DOCK1: variants seen among roughly 807,000 people sequenced by gnomAD.
The protein encoded by DOCK1 is dedicator of cytokinesis protein 1.
DOCK1 carries 138 observed loss-of-function variants against 262.7 expected under a neutral mutation model. The ratio of observed to expected loss-of-function variants is 0.53; its 90% CI spans 0.46 to 0.61. The LOEUF is 0.61. Among genes scored for constraint, DOCK1 ranks in the 20% least tolerant of loss-of-function variants. The pLI, the probability that DOCK1 is intolerant of heterozygous loss-of-function variation, is 0.00. For synonymous variants in DOCK1, 866 were observed against 867.4 expected, an observed-to-expected ratio of 1.00 and a Z score of 0.03; for missense variants, 1,908 against 2,370.7, an observed-to-expected ratio of 0.80 and a Z score of 4.05.
At chr10:127,152,225 C>T (rs749505539) in intron 27 of DOCK1, among the ~76,000 whole-genome samples, 7 of 152,144 alleles carry the variant, frequency 4.6e-5, no homozygotes, top group African/African-American at 7.2e-5. Context: ...CTGATGTTCA[C>T]GGAGGGTCAT....
At chr10:127,327,182 G>A (rs56872492) in intron 29 of DOCK1, among the ~76,000 whole-genome samples, 7,960 of 152,278 alleles carry the variant, frequency 0.052, 295 homozygotes, top group East Asian at 0.18. Flanking sequence ...TATAGAGTCA[G>A]CCTGTCCTTT....
At chr10:127,016,994 T>TACAGAC (rs1254255514) in intron 12 of DOCK1, among the ~76,000 whole-genome samples, 20 of 60,364 alleles carry the variant, frequency 3.3e-4, no homozygotes, top group Admixed American at 7.4e-4. Flanking sequence ...CACACACAGA[T>TACAGAC]ACAGACACCA....
At chr10:126,928,630 G>C (rs1040122265) in intron 1 of DOCK1, among the ~76,000 whole-genome samples, 1 of 152,064 alleles carries the variant, frequency 6.6e-6, no homozygotes, top group African/African-American at 2.4e-5. Flanking sequence ...TTAAGGTGTG[G>C]TCATACTGGG....
chr10:127,155,265 T>A (rs2052926320), intron 27 of DOCK1, among the ~76,000 whole-genome samples: 1 of 152,182 alleles, frequency 6.6e-6, no homozygotes, highest in South Asian at 2.1e-4. Context: ...GTCTGTTACA[T>A]CAACATTTGA....
chr10:127,080,543 G>A (rs1591943936), intron 23 of DOCK1, among the ~76,000 whole-genome samples: 3 of 151,964 alleles, frequency 2.0e-5, no homozygotes, highest in South Asian at 4.1e-4. Context: ...AAAATGTCAC[G>A]TCGCCTGGAG....
chr10:127,116,103 A>G (rs2049163681), intron 25 of DOCK1, among the ~76,000 whole-genome samples: 1 of 151,940 alleles, frequency 6.6e-6, no homozygotes, highest in South Asian at 2.1e-4. Context: ...TGCTCTGTGT[A>G]GTTTTCTGTT....
At chr10:127,233,963 T>C (rs1387617755) in intron 27 of DOCK1, among the ~76,000 whole-genome samples, 5 of 152,230 alleles carry the variant, frequency 3.3e-5, no homozygotes, top group Non-Finnish European at 5.9e-5. Context: ...CCATACCATG[T>C]TTGTTAACCA....
At chr10:127,326,443 T>C (rs769855789) in intron 29 of DOCK1, among the ~76,000 whole-genome samples, 3 of 152,242 alleles carry the variant, frequency 2.0e-5, no homozygotes, top group Non-Finnish European at 4.4e-5. Context: ...CTTTCTTTGC[T>C]CACAAGCATG....
At chr10:127,193,270 G>T (rs1046049409) in intron 27 of DOCK1, among the ~76,000 whole-genome samples, 1 of 152,110 alleles carries the variant, frequency 6.6e-6, no homozygotes, top group Non-Finnish European at 1.5e-5. Context: ...TATCTGGGGA[G>T]TTTTTATGAC....
intron 24 of DOCK1, among the ~76,000 whole-genome samples, chr10:127,107,716 T>C (rs1347735616): frequency 1.3e-5 from 2 of 152,138 alleles, no homozygotes; most frequent in Non-Finnish European, 2.9e-5. Context: ...GCCTGGTCAT[T>C]TGATTTTAAC....
chr10:127,228,995 G>C (rs1307197699), intron 27 of DOCK1, among the ~76,000 whole-genome samples: 1 of 152,160 alleles, frequency 6.6e-6, no homozygotes, highest in Non-Finnish European at 1.5e-5. Context: ...CACTCTGGGA[G>C]GCTTAGGCGG....
chr10:126,982,889 T>C (rs2039083508), intron 4 of DOCK1, among the ~76,000 whole-genome samples: 1 of 152,258 alleles, frequency 6.6e-6, no homozygotes, highest in South Asian at 2.1e-4. Context: ...AGTGTGCATT[T>C]AGTGTACTTT....
chr10:127,032,803 C>G (rs7098511), intron 18 of DOCK1, among the ~76,000 whole-genome samples: 1 of 152,134 alleles, frequency 6.6e-6, no homozygotes, highest in Non-Finnish European at 1.5e-5. Flanking sequence ...GCAAACCTCC[C>G]GCCTCGGTCT....
intron 13 of DOCK1, among the ~76,000 whole-genome samples, chr10:127,019,866 C>T (rs955215710): frequency 7.9e-5 from 12 of 152,318 alleles, no homozygotes; most frequent in Admixed American, 3.3e-4. Context: ...GCCGTGGAAA[C>T]GGGGACAAAC....
intron 24 of DOCK1, among the ~76,000 whole-genome samples, chr10:127,106,545 G>A (rs2048541323): frequency 6.6e-6 from 1 of 152,128 alleles, no homozygotes; most frequent in Non-Finnish European, 1.5e-5. Flanking sequence ...AGTCTAATTG[G>A]TATATAATGT....
intron 1 of DOCK1, among the ~76,000 whole-genome samples, chr10:126,931,918 C>T (rs1591356897): frequency 6.6e-6 from 1 of 152,132 alleles, no homozygotes; most frequent in Non-Finnish European, 1.5e-5. Context: ...TCTCCCCTTC[C>T]AGAGGTTACT....
chr10:127,061,517 C>A, intron 22 of DOCK1, 151 bp from the exon 23 acceptor site: 1 of 696,398 alleles, frequency 1.4e-6, no homozygotes, highest in Non-Finnish European at 2.4e-6. Flanking sequence ...GTCTCACTGC[C>A]AAGTTACCTT....
intron 32 of DOCK1, among the ~76,000 whole-genome samples, chr10:127,357,925 C>T (rs1216489212): frequency 6.6e-6 from 1 of 152,194 alleles, no homozygotes; most frequent in African/African-American, 2.4e-5. Flanking sequence ...TTTGCCAAGG[C>T]TGTCACACTC....
chr10:127,318,956 T>G (rs1167218651), intron 29 of DOCK1, among the ~76,000 whole-genome samples: 1 of 152,228 alleles, frequency 6.6e-6, no homozygotes, highest in Non-Finnish European at 1.5e-5. Flanking sequence ...GGCTGTCCCT[T>G]GACCAGAGAC....
Sources: gnomAD v4.1 joint callset for allele counts (sites outside exome capture counted in the v4.1 genomes callset) on GRCh38, gnomAD v4.1.1 for gene constraint, MANE v1.5 for transcripts, NCBI Gene and HGNC (gene_info 2026-07-23, HGNC 2026-07-21) for gene names.